The following EYS variants were observed in gnomAD, a reference collection of about 807,000 sequenced individuals.
The protein encoded by EYS is EGF-like photoreceptor maintenance factor.
Under a neutral mutation model 282.1 loss-of-function variants are expected in EYS, and 250 were observed. That is an observed-to-expected ratio of 0.89 (90% CI 0.80 to 0.98). EYS has a LOEUF of 0.98. Among genes scored for constraint, EYS ranks in the 50% least tolerant of loss-of-function variants. EYS has a pLI of 0.00. For synonymous variants in EYS, 1,355 were observed against 1,282.9 expected, an observed-to-expected ratio of 1.06 and a Z score of -1.20; for missense variants, 4,016 against 3,709.0, an observed-to-expected ratio of 1.08 and a Z score of -2.15.
intron 31 of EYS, among the ~76,000 whole-genome samples, chr6:64,098,726 G>A (rs1295293407): frequency 6.6e-5 from 10 of 151,470 alleles, no homozygotes; most frequent in South Asian, 2.1e-4. Flanking sequence ...TCAGCCTCCC[G>A]GGTAGCTGGG....
At chr6:63,849,441 T>A (rs569908836) in intron 36 of EYS, among the ~76,000 whole-genome samples, 81 of 152,290 alleles carry the variant, frequency 5.3e-4, no homozygotes, top group African/African-American at 1.9e-3. Context: ...AGGAGAGCAC[T>A]GGCTGGCATC....
At chr6:65,529,896 A>T (rs780034903) in intron 2 of EYS, among the ~76,000 whole-genome samples, 2 of 152,190 alleles carry the variant, frequency 1.3e-5, no homozygotes, top group Non-Finnish European at 2.9e-5. Flanking sequence ...TGGCATTTTG[A>T]TCTTGGAATT....
intron 12 of EYS, among the ~76,000 whole-genome samples, chr6:65,116,701 A>G (rs1208074452): frequency 6.6e-6 from 1 of 152,088 alleles, no homozygotes; most frequent in Non-Finnish European, 1.5e-5. Context: ...AACAAAACAA[A>G]ACAACAACAA....
At chr6:65,066,381 A>G (rs981251547) in intron 12 of EYS, among the ~76,000 whole-genome samples, 1 of 152,202 alleles carries the variant, frequency 6.6e-6, no homozygotes, top group African/African-American at 2.4e-5. Flanking sequence ...ACTCTTGGCA[A>G]TTATACACTT....
chr6:65,020,830 T>C (rs1772231399), intron 13 of EYS, among the ~76,000 whole-genome samples: 1 of 152,148 alleles, frequency 6.6e-6, no homozygotes, highest in South Asian at 2.1e-4. Context: ...CCTCAATTCT[T>C]GTCTTCTGAG....
At chr6:64,945,644 C>G (rs375005976) in intron 15 of EYS, 149 bp downstream of exon 15, 1 of 625,758 alleles carries the variant, frequency 1.6e-6, no homozygotes, top group Non-Finnish European at 2.5e-6. Context: ...CAAATGATTG[C>G]GACACCATCT....
intron 14 of EYS, among the ~76,000 whole-genome samples, chr6:64,971,786 T>G (rs1770304246): frequency 6.6e-6 from 1 of 152,080 alleles, no homozygotes; most frequent in African/African-American, 2.4e-5. Context: ...GGATTGTCAG[T>G]GCTGGAAGAG....
At position 65,596,056 on chromosome 6, in the gene EYS, G is replaced by A. The variant is rs181646152; in HGVS notation, c.-333+43722C>T. ...GAATTGATATCTCTCATCAACAGCC[G>A]GTAAAATTCTGAGGCCTGCCTATAG... On this transcript the variant is annotated intron_variant, in intron 2 of 42. Coordinates refer to ENST00000503581, the MANE Select transcript of EYS (RefSeq NM_001142800.2). 2.0e-4 allele frequency among the ~76,000 whole-genome samples: 30 copies of A among 152,080 alleles called. No homozygotes were observed. The East Asian group carries it at 4.7e-3, about 24-fold the overall frequency.
intron 31 of EYS, among the ~76,000 whole-genome samples, chr6:64,087,620 A>G (rs956543327): frequency 6.6e-6 from 1 of 152,126 alleles, no homozygotes; most frequent in Non-Finnish European, 1.5e-5. Flanking sequence ...CAAATGCTAT[A>G]TTCTTTGATA....
intron 5 of EYS, among the ~76,000 whole-genome samples, chr6:65,483,145 T>C (rs1014570341): frequency 1.3e-5 from 2 of 152,138 alleles, no homozygotes; most frequent in African/African-American, 4.8e-5. Context: ...ATATTTTAAT[T>C]CTTAATTTTA....
At chr6:64,749,342 C>G (rs1173035974) in intron 22 of EYS, among the ~76,000 whole-genome samples, 11 of 152,160 alleles carry the variant, frequency 7.2e-5, no homozygotes, top group Admixed American at 2.0e-4. Context: ...CTTGTTACAA[C>G]ACTCAGAATT....
At position 65,615,851 on chromosome 6, in the gene EYS, G is replaced by A. The variant is rs1316331797; in HGVS notation, c.-333+23927C>T. Among the ~76,000 whole-genome samples the A allele has an allele frequency of 3.9e-5, 6 of 152,034 alleles. No homozygotes were observed. The South Asian group carries it at 6.2e-4, about 16-fold the overall frequency. Reference sequence around the variant, plus strand: ...TGGGAGGCTGAGGCGAGAGAATGGCGTGAGGCCAGGAGGCGGAGCATGCAG... The same window carrying A: ...TGGGAGGCTGAGGCGAGAGAATGGCATGAGGCCAGGAGGCGGAGCATGCAG... On this transcript the variant is annotated intron_variant, in intron 2 of 42. Transcript: ENST00000503581.
chr6:63,989,247 A>G (rs905271778), intron 34 of EYS, among the ~76,000 whole-genome samples: 1 of 151,688 alleles, frequency 6.6e-6, no homozygotes, highest in African/African-American at 2.4e-5. Context: ...GGTTTTTAAC[A>G]TTATCTGAAT....
chr6:64,158,224 A>ATG (rs921467750), intron 31 of EYS, among the ~76,000 whole-genome samples: 1 of 152,190 alleles, frequency 6.6e-6, no homozygotes, highest in African/African-American at 2.4e-5. Flanking sequence ...ACACTCCATG[A>ATG]TGTAGGTATT....
intron 13 of EYS, among the ~76,000 whole-genome samples, chr6:65,041,636 C>G (rs1772938430): frequency 6.6e-6 from 1 of 151,624 alleles, no homozygotes; most frequent in Non-Finnish European, 1.5e-5. Context: ...TAAAAACAGT[C>G]CCATCGTCAA....
chr6:65,403,957 C>A lies in EYS; in HGVS notation c.1056+1217G>T, dbSNP rs183526105. ...ATATAACAACTTTTTATTTAAATAG[C>A]AAATTCTTACAAACTTAGTAGCTTG... On this transcript the variant is annotated intron_variant, in intron 6 of 42. Coordinates refer to ENST00000503581, the MANE Select transcript of EYS (RefSeq NM_001142800.2). 1.0e-3 allele frequency among the ~76,000 whole-genome samples: 153 copies of A among 151,996 alleles called. 1 individual carries two copies. Among genetic ancestry groups the A allele is most frequent in the African/African-American group, 3.6e-3 (149 of 41,506 alleles).
chr6:63,916,071 G>T (rs1353104900), intron 35 of EYS, among the ~76,000 whole-genome samples: 1 of 152,130 alleles, frequency 6.6e-6, no homozygotes, highest in Non-Finnish European at 1.5e-5. Flanking sequence ...ATGCTACAAA[G>T]AAATGTTTCT....
rs373479571 is a variant in EYS, at chr6:65,648,314, A to ATATGTGTGTGTGTGTG, written c.-447-8423_-447-8422insCACACACACACACATA. The stretch of plus-strand genomic sequence containing the variant: ...ATCAATGAGTGGATAAAGAAAATAT[A>ATATGTGTGTGTGTGTG]TGTGTGTGTGTGTGTGTGTGTGTGT... On this transcript the variant is annotated intron_variant, in intron 1 of 42. Coordinates refer to ENST00000503581, the MANE Select transcript of EYS (RefSeq NM_001142800.2). 5.3e-3 allele frequency among the ~76,000 whole-genome samples: 784 copies of ATATGTGTGTGTGTGTG among 147,868 alleles called. 15 individuals carry two copies. The East Asian group carries it at 0.054, about 10-fold the overall frequency.
rs570345548 is a variant in EYS, at chr6:64,528,701, C to T, written c.5644+61522G>A. On this transcript the variant is annotated intron_variant, in intron 26 of 42. Coordinates refer to ENST00000503581, the MANE Select transcript of EYS (RefSeq NM_001142800.2). ...AATCTCAGCCACCTTAATCAGCCCTCAGCAACTCTAATTACTCCTGGGTAA... is the reference window on the plus strand; with the variant it reads ...AATCTCAGCCACCTTAATCAGCCCTTAGCAACTCTAATTACTCCTGGGTAA... 2.0e-5 allele frequency among the ~76,000 whole-genome samples: 3 copies of T among 152,076 alleles called. No individual in the cohort carries two copies. In the South Asian group the frequency reaches 6.2e-4, roughly 32 times the overall value.
Sources: allele counts gnomAD v4.1 joint callset (sites outside exome capture counted in the v4.1 genomes callset), GRCh38; gene constraint gnomAD v4.1.1; transcripts MANE v1.5; gene names NCBI Gene and HGNC (gene_info 2026-07-23, HGNC 2026-07-21).